SPATA1: variants seen among roughly 807,000 people sequenced by gnomAD.
The protein encoded by SPATA1 is spermatogenesis associated 1.
SPATA1 carries 57 observed loss-of-function variants against 59.6 expected under a neutral mutation model. The observed-to-expected ratio is 0.96, with a 90% CI of 0.77 to 1.19. SPATA1 has a LOEUF of 1.19. Ranked by LOEUF, SPATA1 falls within the 50% of genes most tolerant of loss-of-function variation. The pLI, the probability that SPATA1 is intolerant of heterozygous loss-of-function variation, is 0.00. For missense variants in SPATA1, 448 were observed against 480.7 expected (o/e 0.93, Z 0.64); for synonymous variants, 147 against 163.9 (o/e 0.90, Z 0.79).
chr1:84,516,380 A>G, exon 2 of SPATA1: 1 of 1,512,306 alleles, frequency 6.6e-7, no homozygotes, highest in Non-Finnish European at 8.8e-7. Flanking sequence ...ATCCAAGTCG[A>G]CCTTCCTCAT....
intron 1 of SPATA1, among the ~76,000 whole-genome samples, chr1:84,514,685 G>T (rs1209823732): frequency 6.6e-6 from 1 of 152,072 alleles, no homozygotes; most frequent in Non-Finnish European, 1.5e-5. Flanking sequence ...GATTTGTTCT[G>T]GGACGGGCAC....
At chr1:84,544,117 G>T (rs1036438387) in intron 8 of SPATA1, 85 bp from the exon 9 acceptor site, 1 of 858,330 alleles carries the variant, frequency 1.2e-6, no homozygotes, top group African/African-American at 1.7e-5. Flanking sequence ...TGCATTTCTG[G>T]TTTGCATTAT....
intron 9 of SPATA1, among the ~76,000 whole-genome samples, chr1:84,544,653 C>T (rs538888953): frequency 8.6e-5 from 13 of 151,938 alleles, no homozygotes; most frequent in Non-Finnish European, 1.3e-4. Flanking sequence ...CTCCGCCTCT[C>T]GGGTTCAAGC....
intron 8 of SPATA1, among the ~76,000 whole-genome samples, chr1:84,540,066 C>A (rs764240413): frequency 9.2e-5 from 14 of 152,104 alleles, no homozygotes; most frequent in Non-Finnish European, 1.9e-4. Flanking sequence ...TTGATATATT[C>A]CCATTCTCGA....
At chr1:84,516,776 T>C (rs1410006244) in intron 2 of SPATA1, among the ~76,000 whole-genome samples, 1 of 152,194 alleles carries the variant, frequency 6.6e-6, no homozygotes, top group Non-Finnish European at 1.5e-5. Context: ...ACATGGTTAA[T>C]GCATTTCTCC....
At chr1:84,520,523 T>G in intron 2 of SPATA1, 62 bp from the exon 3 acceptor site, 1 of 878,540 alleles carries the variant, frequency 1.1e-6, no homozygotes, top group Non-Finnish European at 1.6e-6. Flanking sequence ...CTATAGGACA[T>G]CAATTGATTT....
chr1:84,555,409 G>A (rs183488016), downstream of SPATA1, among the ~76,000 whole-genome samples: 72 of 152,222 alleles, frequency 4.7e-4, no homozygotes, highest in Non-Finnish European at 8.5e-4. Context: ...GATACAAATG[G>A]TCCCTGACTT....
At chr1:84,555,249 G>T, downstream of SPATA1, 1 of 1,407,070 alleles carries the variant, frequency 7.1e-7, no homozygotes. Flanking sequence ...GTACAATTCA[G>T]CACCACAGGA....
chr1:84,554,981 T>G (rs889980771), downstream of SPATA1: 3 of 1,604,572 alleles, frequency 1.9e-6, no homozygotes, highest in Non-Finnish European at 2.6e-6. Context: ...TAACTCTTAA[T>G]GGTTTGACAA....
intron 1 of SPATA1, among the ~76,000 whole-genome samples, chr1:84,514,964 C>G (rs935245616): frequency 2.0e-5 from 3 of 151,640 alleles, no homozygotes; most frequent in African/African-American, 7.3e-5. Context: ...CAGGGAGACT[C>G]TGTCTCAAAA....
intron 4 of SPATA1, chr1:84,563,781 C>G: frequency 1.2e-6 from 2 of 1,608,934 alleles, no homozygotes; most frequent in Non-Finnish European, 1.7e-6. Flanking sequence ...CCAAGGAACA[C>G]CCATTACAAG....
At chr1:84,521,840 G>T (rs1196125804) in intron 3 of SPATA1, among the ~76,000 whole-genome samples, 1 of 152,090 alleles carries the variant, frequency 6.6e-6, no homozygotes, top group Non-Finnish European at 1.5e-5. Flanking sequence ...TTGATTGAAT[G>T]AATTACCTAA....
chr1:84,533,309 A>G (rs1321151184), intron 7 of SPATA1, among the ~76,000 whole-genome samples: 2 of 152,080 alleles, frequency 1.3e-5, no homozygotes, highest in Non-Finnish European at 2.9e-5. Context: ...AAACTAATCA[A>G]TATGCTTGAT....
At chr1:84,536,022 C>G (rs1683663194) in intron 8 of SPATA1, among the ~76,000 whole-genome samples, 1 of 152,194 alleles carries the variant, frequency 6.6e-6, no homozygotes. Context: ...CCTGCTTAAA[C>G]CTGCACTGAA....
intron 1 of SPATA1, among the ~76,000 whole-genome samples, chr1:84,510,208 C>T (rs944178267): frequency 2.6e-5 from 4 of 151,972 alleles, no homozygotes; most frequent in African/African-American, 9.7e-5. Context: ...AAATAATCAG[C>T]AAAGTGAAGA....
At position 84,563,428 on chromosome 1, in the gene SPATA1, C is replaced by G. The variant is rs751797912; in HGVS notation, n.443-2433C>G. On this transcript the variant is annotated intron_variant and non_coding_transcript_variant, in intron 4 of 4. Coordinates refer to the SPATA1 transcript ENST00000460286. Reference sequence around the variant, plus strand: ...TGGTACAAACATGATCCTAGAAATGCAAAAGTGCTCATGTTATATATTATC... The same window carrying G: ...TGGTACAAACATGATCCTAGAAATGGAAAAGTGCTCATGTTATATATTATC... 4.1e-6 allele frequency: 6 copies of G among 1,478,596 alleles called. No homozygotes were observed. In the Admixed American group the frequency reaches 7.5e-5, roughly 19 times the overall value. 91.6% of individuals were successfully genotyped at this position (1,478,596 alleles called of 1,614,324 possible).
At chr1:84,562,511 A>T (rs894945637) in intron 4 of SPATA1, among the ~76,000 whole-genome samples, 4 of 152,222 alleles carry the variant, frequency 2.6e-5, no homozygotes, top group African/African-American at 9.6e-5. Context: ...TCCTTGCTGA[A>T]CTTCACTTAT....
chr1:84,557,829 G>A (rs185683498), downstream of SPATA1, among the ~76,000 whole-genome samples: 6 of 150,972 alleles, frequency 4.0e-5, no homozygotes, highest in East Asian at 7.8e-4. Context: ...CTGCACACCA[G>A]CGTGGGCGAC....
chr1:84,547,392 A>G (rs1684125815), intron 10 of SPATA1, among the ~76,000 whole-genome samples: 1 of 152,210 alleles, frequency 6.6e-6, no homozygotes, highest in Non-Finnish European at 1.5e-5. Context: ...TGAGCCTACT[A>G]TGTGCCGGGC....
Sources: gnomAD v4.1 joint callset for allele counts (sites outside exome capture counted in the v4.1 genomes callset) on GRCh38, gnomAD v4.1.1 for gene constraint, MANE v1.5 for transcripts, NCBI Gene and HGNC (gene_info 2026-07-23, HGNC 2026-07-21) for gene names.